Variants in CSPP1 observed in about 807,000 individuals in gnomAD.
The protein encoded by CSPP1 is centrosome and spindle pole-associated protein 1.
CSPP1 carries 126 observed loss-of-function variants against 164.4 expected under a neutral mutation model. The ratio of observed to expected loss-of-function variants is 0.77; its 90% CI spans 0.66 to 0.89. The LOEUF (loss-of-function observed/expected upper bound fraction) is 0.89, where lower values mean the gene tolerates loss of function less well. CSPP1 is among the 40% of genes least tolerant of loss of function. The probability of loss-of-function intolerance (pLI) is 0.00; values close to 1 mark genes in which losing one functional copy is unlikely to be tolerated. For synonymous variants in CSPP1, 472 were observed against 476.7 expected, an observed-to-expected ratio of 0.99 and a Z score of 0.13; for missense variants, 1,395 against 1,449.8, an observed-to-expected ratio of 0.96 and a Z score of 0.61.
At chr8:67,180,529 T>C (rs1302803025) in intron 28 of CSPP1, among the ~76,000 whole-genome samples, 3 of 152,120 alleles carry the variant, frequency 2.0e-5, no homozygotes, top group African/African-American at 7.2e-5. Flanking sequence ...GGTAGATACA[T>C]ACATGTAAAT....
At chr8:67,141,021 A>G (rs1823386384) in intron 17 of CSPP1, among the ~76,000 whole-genome samples, 1 of 152,230 alleles carries the variant, frequency 6.6e-6, no homozygotes, top group East Asian at 1.9e-4. Flanking sequence ...CATATGGGCA[A>G]TCTTTGCTAC....
chr8:67,090,238 A>G (rs1253312379), intron 4 of CSPP1, among the ~76,000 whole-genome samples: 3 of 152,156 alleles, frequency 2.0e-5, no homozygotes, highest in African/African-American at 7.2e-5. Flanking sequence ...CAACTTTCAA[A>G]TTAGCTTTTG....
chr8:67,136,606 G>A (rs1033757694), intron 16 of CSPP1, among the ~76,000 whole-genome samples: 36 of 143,362 alleles, frequency 2.5e-4, no homozygotes, highest in Non-Finnish European at 2.0e-4. Flanking sequence ...TGCAATGTCC[G>A]CAAAGCACAA....
At chr8:67,118,595 C>G (rs1818383697) in intron 14 of CSPP1, 148 bp from the exon 15 acceptor site, 4 of 713,458 alleles carry the variant, frequency 5.6e-6, no homozygotes, top group Non-Finnish European at 9.3e-6. Flanking sequence ...TTATGTTGTT[C>G]TTTGCTAACT....
At chr8:67,066,730 T>C (rs1342311551) in intron 1 of CSPP1, among the ~76,000 whole-genome samples, 2 of 152,136 alleles carry the variant, frequency 1.3e-5, no homozygotes, top group Non-Finnish European at 2.9e-5. Context: ...CATGTTTATA[T>C]ATATACATAT....
chr8:67,120,017 C>T (rs1347431658), intron 15 of CSPP1, among the ~76,000 whole-genome samples: 6 of 152,016 alleles, frequency 3.9e-5, no homozygotes, highest in Non-Finnish European at 7.4e-5. Context: ...TTATGTTGAG[C>T]TGTTTGAGTC....
In CSPP1 at chr8:67,196,358, T is replaced by G. The variant is rs140102962; in HGVS notation, c.*765T>G. 45 of 151,216 alleles carry G rather than the reference T, an allele frequency of 3.0e-4. No individual in the cohort carries two copies. Among genetic ancestry groups the G allele is most frequent in the East Asian group, 1.7e-3 (9 of 5,180 alleles). 9.4% of individuals were successfully genotyped at this position (151,216 alleles called of 1,614,324 possible). A position where few individuals can be genotyped will look rare whatever the true frequency, so the allele number is the denominator to read the frequency against. ...AGTCAAGGACAGAGAGACTGGAGTC[T>G]TCTTCTTCCACCATGGAACCTTGGA... On this transcript the variant is annotated 3_prime_UTR_variant, in exon 31 of 31. Transcript: ENST00000678616.
At chr8:67,178,367 G>A (rs543865845) in intron 27 of CSPP1, among the ~76,000 whole-genome samples, 1 of 152,326 alleles carries the variant, frequency 6.6e-6, no homozygotes, top group Admixed American at 6.5e-5. Flanking sequence ...GACAGGATGA[G>A]CTCTTTTCAA....
At chr8:67,182,854 G>A (rs1217497610) in intron 28 of CSPP1, among the ~76,000 whole-genome samples, 1 of 152,142 alleles carries the variant, frequency 6.6e-6, no homozygotes, top group Non-Finnish European at 1.5e-5. Flanking sequence ...AGTTGTGGGA[G>A]TTCTTTATTA....
In CSPP1 at chr8:67,149,794, A is replaced by C; in HGVS notation, c.1987A>C (p.Arg663=). ...AKGNLITDLN[R]MHRQNIDAYH... Reference sequence around the variant, plus strand: ...TTTTTTCCTCTCAGCTGATTTGAATAGGATGCACAGACAAAATATAGATGC... The same window carrying C: ...TTTTTTCCTCTCAGCTGATTTGAATCGGATGCACAGACAAAATATAGATGC... The change falls in exon 18 of 31, where the codon AGG becomes CGG. Residue 663 remains arginine (R), a synonymous_variant. Coordinates refer to ENST00000678616, the MANE Select transcript of CSPP1 (RefSeq NM_001382391.1). 1 of 1,572,758 alleles carries C rather than the reference A, an allele frequency of 6.4e-7. No homozygotes were observed. The highest frequency in any genetic ancestry group is 1.4e-5 in the African/African-American group (1 of 72,864).
intron 1 of CSPP1, among the ~76,000 whole-genome samples, chr8:67,072,365 A>G (rs1806992799): frequency 6.6e-6 from 1 of 152,234 alleles, no homozygotes; most frequent in Non-Finnish European, 1.5e-5. Flanking sequence ...GGACTTGATA[A>G]AAATTATAAA....
intron 28 of CSPP1, among the ~76,000 whole-genome samples, 161 bp from the exon 29 acceptor site, chr8:67,190,487 CTG>C (rs1419511634): frequency 2.0e-5 from 3 of 152,070 alleles, no homozygotes; most frequent in African/African-American, 7.2e-5. Context: ...TTGTACAACT[CTG>C]TAAATTTACT....
rs201972175 is a variant in CSPP1 at position 67,195,525 on chromosome 8, G to A, written c.3613G>A (p.Glu1205Lys). ...KRFMAEQLNQ[E>K]QQQIPGKPGT... ...TTTCATGGCAGAGCAGCTGAACCAGGAGCAGCAGCAGATTCCTGGAAAACC... is the reference window on the plus strand; with the variant it reads ...TTTCATGGCAGAGCAGCTGAACCAGAAGCAGCAGCAGATTCCTGGAAAACC... The change falls in exon 31 of 31, where the codon GAG becomes AAG. Residue 1205 changes from glutamate (E) to lysine (K), a missense_variant. Transcript: ENST00000678616. The A allele has an allele frequency of 3.1e-6, 5 of 1,614,078 alleles. No individual in the cohort carries two copies. Among genetic ancestry groups the A allele is most frequent in the Non-Finnish European group, 3.4e-6 (4 of 1,180,038 alleles).
chr8:67,095,501 T>C lies in CSPP1; in HGVS notation c.692T>C (p.Ile231Thr), dbSNP rs758349545. ...DDEIELRNRR[I>T]IKKANEEVGI... is the part of the protein sequence containing the mutation. ...GAAATCGAATTAAGGAATAGAAGAA[T>C]TATTAAAAAAGCAAATGAAGAAGTG... Residue 231 changes from isoleucine (I) to threonine (T), a missense_variant, in exon 7 of 31, where the codon ATT becomes ACT. Physicochemically the swap from Ile to Thr is moderately conservative, Grantham distance 89. Coordinates refer to ENST00000678616, the MANE Select transcript of CSPP1 (RefSeq NM_001382391.1). 3.1e-6 allele frequency: 5 copies of C among 1,613,386 alleles called. No individual in the cohort carries two copies. Among genetic ancestry groups the C allele is most frequent in the Admixed American group, 3.3e-5 (2 of 59,912 alleles).
intron 16 of CSPP1, chr8:67,135,760 A>T (rs1272776971): frequency 2.0e-5 from 3 of 152,196 alleles, no homozygotes; most frequent in Admixed American, 6.5e-5. Context: ...GTGCATTTAC[A>T]ACTGGGCAAA....
chr8:67,147,917 CATTTTT>C (rs1035699403), intron 17 of CSPP1, among the ~76,000 whole-genome samples: 1 of 151,776 alleles, frequency 6.6e-6, no homozygotes, highest in Non-Finnish European at 1.5e-5. Context: ...TGCCCTCAAC[CATTTTT>C]ATTTTTATTT....
intron 4 of CSPP1, among the ~76,000 whole-genome samples, chr8:67,089,068 T>C (rs909959549): frequency 3.3e-5 from 5 of 151,798 alleles, no homozygotes; most frequent in Admixed American, 3.3e-4. Context: ...CCCTGAAATA[T>C]GTATGGTTTC....
intron 30 of CSPP1, among the ~76,000 whole-genome samples, chr8:67,194,919 T>TAA (rs1278031009): frequency 6.6e-6 from 1 of 152,126 alleles, no homozygotes; most frequent in African/African-American, 2.4e-5. Flanking sequence ...CAAAATAACT[T>TAA]AATAATTTCC....
In CSPP1 at chr8:67,193,576, A is replaced by C. The variant is rs765942375; in HGVS notation, c.3443A>C (p.Glu1148Ala). 2 of 1,613,754 alleles carry C rather than the reference A, an allele frequency of 1.2e-6. No homozygotes were observed. Among genetic ancestry groups the C allele is most frequent in the Non-Finnish European group, 1.7e-6 (2 of 1,179,722 alleles). ...RNEERMRRLN[E>A]FHNKPINTDD... ...GAGGAACGAATGCGAAGACTGAATG[A>C]ATTTCACAATAAACCTATTAATACA... The change falls in exon 30 of 31, where the codon GAA (glutamate) becomes GCA (alanine). Residue 1148 changes from glutamate (E) to alanine (A), a missense_variant. Coordinates refer to ENST00000678616, the MANE Select transcript of CSPP1 (RefSeq NM_001382391.1).
Sources: gnomAD v4.1 joint callset for allele counts (sites outside exome capture counted in the v4.1 genomes callset) on GRCh38, gnomAD v4.1.1 for gene constraint, MANE v1.5 for transcripts, NCBI Gene and HGNC (gene_info 2026-07-23, HGNC 2026-07-21) for gene names.